The following DNER variants were observed in gnomAD, a reference collection of about 807,000 sequenced individuals.
The protein encoded by DNER is delta/notch like EGF repeat containing.
A neutral mutation model predicts 78.2 loss-of-function variants in DNER; 33 were observed. That is an observed-to-expected ratio of 0.42 (90% confidence interval 0.32 to 0.56). DNER has a LOEUF of 0.56. DNER is among the 20% of genes least tolerant of loss of function. The pLI is 0.11. For synonymous variants in DNER, 417 were observed against 384.8 expected, an observed-to-expected ratio of 1.08 and a Z score of -0.98; for missense variants, 918 against 975.3, an observed-to-expected ratio of 0.94 and a Z score of 0.78.
intron 4 of DNER, among the ~76,000 whole-genome samples, chr2:229,579,020 G>C (rs186988487): frequency 2.6e-5 from 4 of 152,282 alleles, no homozygotes; most frequent in Admixed American, 6.5e-5. Context: ...ATATTCAAAG[G>C]TTCTGTTACA....
chr2:229,585,590 G>A lies in DNER; in HGVS notation c.847+268C>T, dbSNP rs983852004. 3.6e-4 allele frequency among the ~76,000 whole-genome samples: 55 copies of A among 151,876 alleles called. 1 individual carries two copies. Among genetic ancestry groups the A allele is most frequent in the African/African-American group, 1.2e-3 (49 of 41,386 alleles). ...CAGGAGAATCGCTTGAACTCAGGAG[G>A]CAGAGGTTGCAGTGAGCCAAGATCG... is the stretch of plus-strand genomic sequence containing the variant. On this transcript the variant is annotated intron_variant, in intron 4 of 12. Coordinates refer to ENST00000341772, the MANE Select transcript of DNER (RefSeq NM_139072.4).
At chr2:229,407,442 G>C (rs1693413361) in intron 9 of DNER, 97 bp from the exon 10 acceptor site, 2 of 1,053,666 alleles carry the variant, frequency 1.9e-6, no homozygotes, top group Non-Finnish European at 2.8e-6. Context: ...ACAATGCGAG[G>C]GAGATTCCCA....
At chr2:229,457,078 T>C (rs1694591467) in intron 7 of DNER, among the ~76,000 whole-genome samples, 1 of 152,054 alleles carries the variant, frequency 6.6e-6, no homozygotes, top group Non-Finnish European at 1.5e-5. Context: ...AAATAACTTC[T>C]AGTAATCAAG....
chr2:229,705,502 C>G (rs1031195566), intron 1 of DNER, among the ~76,000 whole-genome samples: 8 of 152,168 alleles, frequency 5.3e-5, no homozygotes, highest in African/African-American at 1.9e-4. Flanking sequence ...ACTAAAACTT[C>G]CAGAATGGAA....
At chr2:229,379,090 C>T in intron 11 of DNER, among the ~76,000 whole-genome samples, 1 of 152,260 alleles carries the variant, frequency 6.6e-6, no homozygotes, top group South Asian at 2.1e-4. Flanking sequence ...AACACGGCGT[C>T]CAGGTATGCA....
intron 5 of DNER, among the ~76,000 whole-genome samples, chr2:229,522,375 T>C (rs1448654277): frequency 6.6e-6 from 1 of 152,236 alleles, no homozygotes; most frequent in African/African-American, 2.4e-5. Context: ...ACAATTTACA[T>C]GTAATCAGTC....
At chr2:229,493,928 G>A (rs953561529) in intron 6 of DNER, among the ~76,000 whole-genome samples, 3 of 152,140 alleles carry the variant, frequency 2.0e-5, no homozygotes, top group Non-Finnish European at 4.4e-5. Context: ...GTGGCCAAGT[G>A]GAACAGATAA....
chr2:229,503,238 C>G (rs1039711231), intron 6 of DNER, among the ~76,000 whole-genome samples: 6 of 152,094 alleles, frequency 3.9e-5, no homozygotes, highest in Non-Finnish European at 7.4e-5. Context: ...GAATACGGCT[C>G]TATTGCCTGG....
At chr2:229,518,931 C>T (rs556785296) in intron 5 of DNER, among the ~76,000 whole-genome samples, 8 of 151,064 alleles carry the variant, frequency 5.3e-5, no homozygotes, top group East Asian at 1.9e-4. Context: ...TTCTCAAGAA[C>T]GATGCAAATC....
rs560133622 is a variant in DNER at position 229,641,109 on chromosome 2, G to A, written c.277-49221C>T. 3.3e-4 allele frequency among the ~76,000 whole-genome samples: 50 copies of A among 152,292 alleles called. 1 individual carries two copies. The highest frequency in any genetic ancestry group is 2.9e-3 in the Admixed American group (44 of 15,302). ...GATGCAGGAGGAATAAATGAGCCAG[G>A]AGCTGGAGGATGCATGGTAATGGTA... is the stretch of plus-strand genomic sequence containing the variant. On this transcript the variant is annotated intron_variant, in intron 1 of 12. Transcript: ENST00000341772.
chr2:229,567,296 G>A (rs539269401), intron 4 of DNER, among the ~76,000 whole-genome samples: 10 of 152,344 alleles, frequency 6.6e-5, no homozygotes, highest in Admixed American at 3.9e-4. Context: ...TATGATTCAT[G>A]AGAGCAGAGA....
chr2:229,529,116 T>C (rs565028106), intron 5 of DNER, among the ~76,000 whole-genome samples: 7 of 152,354 alleles, frequency 4.6e-5, no homozygotes, highest in Admixed American at 1.3e-4. Flanking sequence ...GTTTCATTTA[T>C]TTTAGCAACG....
At chr2:229,615,362 G>C (rs1220621626) in intron 1 of DNER, among the ~76,000 whole-genome samples, 1 of 145,346 alleles carries the variant, frequency 6.9e-6, no homozygotes, top group African/African-American at 2.6e-5. Context: ...GGTGAGCCAA[G>C]ACTGCACCTT....
At chr2:229,467,673 A>G (rs1694832755) in intron 7 of DNER, among the ~76,000 whole-genome samples, 1 of 152,224 alleles carries the variant, frequency 6.6e-6, no homozygotes, top group Non-Finnish European at 1.5e-5. Flanking sequence ...ACAAGAAAAA[A>G]TGAAAATTAT....
At chr2:229,553,521 T>C (rs140304425) in intron 4 of DNER, among the ~76,000 whole-genome samples, 1 of 152,174 alleles carries the variant, frequency 6.6e-6, no homozygotes, top group East Asian at 1.9e-4. Context: ...AGACCCAAAA[T>C]GGAACAAACC....
intron 8 of DNER, among the ~76,000 whole-genome samples, chr2:229,429,715 C>T (rs1559349507): frequency 1.3e-5 from 2 of 152,236 alleles, no homozygotes. Context: ...AGCACCAGCT[C>T]AGCACTGACA....
intron 1 of DNER, among the ~76,000 whole-genome samples, chr2:229,681,971 A>G (rs1699395761): frequency 6.6e-6 from 1 of 152,224 alleles, no homozygotes; most frequent in Non-Finnish European, 1.5e-5. Context: ...ACAGATTGCC[A>G]GATCCTCTGC....
chr2:229,473,071 A>T (rs1559361069), intron 7 of DNER, among the ~76,000 whole-genome samples: 1 of 152,198 alleles, frequency 6.6e-6, no homozygotes, highest in African/African-American at 2.4e-5. Context: ...AGGTCCTTGA[A>T]GGAAACAAAA....
Position 229,674,570 on chromosome 2 carries a change from C to T in DNER, c.276+39578G>A, listed in dbSNP as rs115705863. On this transcript the variant is annotated intron_variant, in intron 1 of 12. Coordinates refer to ENST00000341772, the MANE Select transcript of DNER (RefSeq NM_139072.4). Reference sequence around the variant, plus strand: ...CTAGGGTTACAGGTGTGAGCCACTGCGCCTGGCCCCTTGTTCTTATTAATG... The same window carrying T: ...CTAGGGTTACAGGTGTGAGCCACTGTGCCTGGCCCCTTGTTCTTATTAATG... Among the ~76,000 whole-genome samples, 1,463 of 152,306 alleles carry T rather than the reference C, an allele frequency of 9.6e-3. 15 individuals carry two copies. The highest frequency in any genetic ancestry group is 0.058 in the Middle Eastern group (17 of 294).
Sources: allele counts gnomAD v4.1 joint callset (sites outside exome capture counted in the v4.1 genomes callset), GRCh38; gene constraint gnomAD v4.1.1; transcripts MANE v1.5; gene names NCBI Gene and HGNC (gene_info 2026-07-23, HGNC 2026-07-21).